The following RASSF6 variants were observed in gnomAD, a reference collection of about 807,000 sequenced individuals.
RASSF6 encodes the protein ras association domain-containing protein 6.
In RASSF6, 52 loss-of-function variants were observed where a neutral mutation model predicts 44.0. The observed-to-expected ratio is 1.18, with a 90% confidence interval of 0.95 to 1.49. The LOEUF (loss-of-function observed/expected upper bound fraction) is 1.49. Among genes scored for constraint, RASSF6 ranks in the 40% most tolerant of loss-of-function variants. The pLI is 0.00. For synonymous variants in RASSF6, 162 were observed against 124.6 expected (o/e 1.30, Z -2.00); for missense variants, 464 against 393.3 (o/e 1.18, Z -1.52).
intron 3 of RASSF6, among the ~76,000 whole-genome samples, chr4:73,595,560 A>C (rs1327327118): frequency 1.3e-5 from 2 of 152,228 alleles, no homozygotes; most frequent in Non-Finnish European, 2.9e-5. Flanking sequence ...ATATGCCTCA[A>C]CTTAAATGTT....
chr4:73,589,373 T>C (rs183713488), intron 4 of RASSF6, among the ~76,000 whole-genome samples: 1 of 152,036 alleles, frequency 6.6e-6, no homozygotes. Context: ...GACATAATTA[T>C]CGTAGAAGGG....
intron 6 of RASSF6, 40 bp from the exon 7 acceptor site, chr4:73,582,330 T>C: frequency 9.5e-7 from 1 of 1,049,396 alleles, no homozygotes; most frequent in Non-Finnish European, 1.4e-6. Flanking sequence ...AAAATTATAT[T>C]ATATTAAGGG....
In RASSF6 at chr4:73,573,096, T is replaced by A. The variant is rs1723000248; in HGVS notation, c.*3139A>T. ...TACTTGGAAACAGAATTTTAATGGC[T>A]ACATAACAATATACAAATAAATGTT... On this transcript the variant is annotated 3_prime_UTR_variant, in exon 11 of 11. Transcript: ENST00000307439. The A allele has an allele frequency of 6.6e-6, 1 of 152,186 alleles. No individual in the cohort carries two copies. Among genetic ancestry groups the A allele is most frequent in the African/African-American group, 2.4e-5 (1 of 41,546 alleles). 9.4% of individuals were successfully genotyped at this position (152,186 alleles called of 1,614,324 possible).
intron 1 of RASSF6, among the ~76,000 whole-genome samples, chr4:73,612,405 A>G (rs1001327358): frequency 3.3e-5 from 5 of 152,044 alleles, no homozygotes; most frequent in African/African-American, 1.2e-4. Flanking sequence ...ATATTCAGTT[A>G]TCATGGCTCC....
chr4:73,577,648 T>C (rs1723324652), intron 8 of RASSF6, among the ~76,000 whole-genome samples: 1 of 152,180 alleles, frequency 6.6e-6, no homozygotes, highest in Non-Finnish European at 1.5e-5. Context: ...TTTACTGTTC[T>C]AATTCCTCTG....
intron 2 of RASSF6, among the ~76,000 whole-genome samples, chr4:73,600,894 C>G (rs1725240083): frequency 6.6e-6 from 1 of 152,106 alleles, no homozygotes; most frequent in East Asian, 1.9e-4. Flanking sequence ...ATACTACTGG[C>G]CAAGAACATG....
Position 73,585,267 on chromosome 4 carries a change from C to T in RASSF6, c.480G>A (p.Val160=). Residue 160 remains valine (V), a synonymous_variant, in exon 6 of 11, where the codon GTG becomes GTA. Coordinates refer to ENST00000307439, the MANE Select transcript of RASSF6 (RefSeq NM_177532.5). ...TCATCAGAGGCTTCATCCTTTTTCTCACCAGAGCTGCTTCACTCATGGTTC... is the reference window on the plus strand; with the variant it reads ...TCATCAGAGGCTTCATCCTTTTTCTTACCAGAGCTGCTTCACTCATGGTTC... ...LYRTMSEAAL[V]RKRMKPLMMD... is the part of the protein sequence containing the mutation. The T allele has an allele frequency of 3.7e-6, 6 of 1,612,780 alleles. No individual in the cohort carries two copies. The highest frequency in any genetic ancestry group is 5.1e-6 in the Non-Finnish European group (6 of 1,179,184).
chr4:73,573,824 AATAG>A lies in RASSF6; in HGVS notation c.*2407_*2410del, dbSNP rs781501547. 2 of 152,300 alleles carry A rather than the reference AATAG, an allele frequency of 1.3e-5. No individual in the cohort carries two copies. The highest frequency in any genetic ancestry group is 1.9e-4 in the East Asian group (1 of 5,180). 9.4% of individuals were successfully genotyped at this position (152,300 alleles called of 1,614,324 possible). On this transcript the variant is annotated 3_prime_UTR_variant, in exon 11 of 11. Transcript: ENST00000307439. Reference sequence around the variant, plus strand: ...CACTGTTGGTTGCCCGCTCCGTGAAAATAGATATAGACTCTTGAAATGTTTCCTT... The same window carrying A: ...CACTGTTGGTTGCCCGCTCCGTGAAAATATAGACTCTTGAAATGTTTCCTT...
chr4:73,610,525 C>T (rs931659889), intron 2 of RASSF6, among the ~76,000 whole-genome samples: 1 of 152,158 alleles, frequency 6.6e-6, no homozygotes, highest in Non-Finnish European at 1.5e-5. Flanking sequence ...GGCTTCTTCT[C>T]CTGCTGTCTT....
intron 4 of RASSF6, among the ~76,000 whole-genome samples, chr4:73,590,525 C>T (rs1724464100): frequency 6.6e-6 from 1 of 152,132 alleles, no homozygotes; most frequent in South Asian, 2.1e-4. Context: ...TAGATGTTAT[C>T]TTAAATGAGA....
At position 73,575,180 on chromosome 4, in the gene RASSF6, T is replaced by G. The variant is rs550062442; in HGVS notation, c.*1055A>C. On this transcript the variant is annotated 3_prime_UTR_variant, in exon 11 of 11. Transcript: ENST00000307439. Reference sequence around the variant, plus strand: ...AATATGATCAATTTACTACAATGCTTATGAGGAATGCAAATGGAATTAGTT... The same window carrying G: ...AATATGATCAATTTACTACAATGCTGATGAGGAATGCAAATGGAATTAGTT... The G allele has an allele frequency of 6.6e-6, 1 of 152,346 alleles. No homozygotes were observed. Among genetic ancestry groups the G allele is most frequent in the Non-Finnish European group, 1.5e-5 (1 of 68,022 alleles). The allele number at this position is 152,346 out of a possible 1,614,324, so 9.4% of individuals were successfully genotyped here.
intron 8 of RASSF6, 110 bp downstream of exon 8, chr4:73,581,707 A>G (rs1453249267): frequency 1.5e-6 from 1 of 657,514 alleles, no homozygotes. Context: ...TCTCCTACCC[A>G]TTCCTCCCCT....
At chr4:73,586,015 T>C in intron 5 of RASSF6, among the ~76,000 whole-genome samples, 1 of 117,266 alleles carries the variant, frequency 8.5e-6, no homozygotes, top group South Asian at 2.9e-4. Flanking sequence ...TGGCCCAAGT[T>C]CTTTGGAGCT....
intron 8 of RASSF6, 120 bp from the exon 9 acceptor site, chr4:73,576,851 A>G (rs1369496088): frequency 9.2e-6 from 6 of 655,126 alleles, no homozygotes; most frequent in Non-Finnish European, 1.6e-5. Context: ...CACCTGCAAC[A>G]GGAGGCAATT....
intron 3 of RASSF6, among the ~76,000 whole-genome samples, chr4:73,596,457 T>C: frequency 6.6e-6 from 1 of 152,164 alleles, no homozygotes; most frequent in Non-Finnish European, 1.5e-5. Flanking sequence ...TATAAGTCAC[T>C]GCTCAAAGAA....
At position 73,572,369 on chromosome 4, in the gene RASSF6, T is replaced by C. The variant is rs1487448227; in HGVS notation, c.*3866A>G. The C allele has an allele frequency of 1.3e-5, 2 of 152,150 alleles. No homozygotes were observed. The highest frequency in any genetic ancestry group is 2.9e-5 in the Non-Finnish European group (2 of 68,028). The allele number at this position is 152,150 out of a possible 1,614,324, so 9.4% of individuals were successfully genotyped here. ...CTCTTCCATTTTCCTGTATTAAAAG[T>C]AAGTCCCTAATTGCTAAAAGAGTAC... is the stretch of plus-strand genomic sequence containing the variant. On this transcript the variant is annotated 3_prime_UTR_variant, in exon 11 of 11. Coordinates refer to ENST00000307439, the MANE Select transcript of RASSF6 (RefSeq NM_177532.5).
Position 73,611,767 on chromosome 4 carries a change from G to A in RASSF6, c.29C>T (p.Ser10Phe). Residue 10 changes from serine (S) to phenylalanine (F), a missense_variant, in exon 2 of 11, where the codon TCT (serine) becomes TTT (phenylalanine). Coordinates refer to ENST00000307439, the MANE Select transcript of RASSF6 (RefSeq NM_177532.5). ...TGTCTTCTCATTAATGAAGATCCAA[G>A]AGGGGTACTGGTGAGCCATCATAGT... MTMMAHQYP[S>F]WIFINEKTFI... 2 of 1,611,110 alleles carry A rather than the reference G, an allele frequency of 1.2e-6. No individual in the cohort carries two copies. The highest frequency in any genetic ancestry group is 1.7e-6 in the Non-Finnish European group (2 of 1,177,738).
intron 1 of RASSF6, among the ~76,000 whole-genome samples, chr4:73,612,525 G>C (rs527395801): frequency 6.9e-4 from 101 of 146,430 alleles, no homozygotes; most frequent in South Asian, 1.9e-3. Context: ...ATAAGGGGGT[G>C]GATTTCCTCC....
At chr4:73,611,036 C>G (rs1320280427) in intron 2 of RASSF6, among the ~76,000 whole-genome samples, 1 of 152,172 alleles carries the variant, frequency 6.6e-6, no homozygotes, top group Admixed American at 6.5e-5. Context: ...CACTTTCCTA[C>G]TGCCCAACCC....
Sources: gnomAD v4.1 joint callset for allele counts (sites outside exome capture counted in the v4.1 genomes callset) on GRCh38, gnomAD v4.1.1 for gene constraint, MANE v1.5 for transcripts, NCBI Gene and HGNC (gene_info 2026-07-23, HGNC 2026-07-21) for gene names.